LMBR1: variants seen among roughly 807,000 people sequenced by gnomAD.
LMBR1 encodes the protein limb development membrane protein 1, also known as limb region 1 protein homolog.
In LMBR1, 52 loss-of-function variants were observed where a neutral mutation model predicts 73.9. The observed-to-expected ratio is 0.70, with a 90% CI of 0.56 to 0.89. The LOEUF (loss-of-function observed/expected upper bound fraction) is 0.89. Ranked by LOEUF, LMBR1 falls within the 40% of genes least tolerant of loss-of-function variation. The pLI is 0.00. For missense variants in LMBR1, 539 were observed against 579.8 expected, an observed-to-expected ratio of 0.93 and a Z score of 0.72; for synonymous variants, 215 against 209.4, an observed-to-expected ratio of 1.03 and a Z score of -0.23.
At chr7:156,857,895 C>T (rs995137902) in intron 1 of LMBR1, among the ~76,000 whole-genome samples, 1 of 151,506 alleles carries the variant, frequency 6.6e-6, no homozygotes, top group Admixed American at 6.6e-5. Context: ...ATATTTTGAA[C>T]TAAATGAAAA....
intron 1 of LMBR1, among the ~76,000 whole-genome samples, chr7:156,889,121 A>G (rs1001622465): frequency 4.6e-5 from 7 of 152,318 alleles, no homozygotes; most frequent in African/African-American, 1.7e-4. Flanking sequence ...TGAAGGCATT[A>G]TGCTAAGTGA....
chr7:156,835,299 C>G lies in LMBR1; in HGVS notation c.140-1507G>C, dbSNP rs528326139. ...GCCATTCTGTTAGTCCACCTCCATT[C>G]TTAATTCCAAGATTCCCAAAAGAAC... On this transcript the variant is annotated intron_variant, in intron 2 of 16. Transcript: ENST00000353442. 2.6e-5 allele frequency among the ~76,000 whole-genome samples: 4 copies of G among 152,272 alleles called. No homozygotes were observed. In the South Asian group the frequency reaches 8.3e-4, roughly 32 times the overall value.
chr7:156,863,035 T>C (rs770162665), intron 1 of LMBR1, among the ~76,000 whole-genome samples: 1 of 152,146 alleles, frequency 6.6e-6, no homozygotes, highest in Non-Finnish European at 1.5e-5. Flanking sequence ...ACAAATCCCA[T>C]TGGCTCAATT....
At chr7:156,704,254 C>T (rs1389079714) in intron 15 of LMBR1, among the ~76,000 whole-genome samples, 1 of 152,192 alleles carries the variant, frequency 6.6e-6, no homozygotes, top group Non-Finnish European at 1.5e-5. Flanking sequence ...ATCCATCAGG[C>T]ATTCCAGTCC....
chr7:156,845,729 A>T (rs1366142935), intron 1 of LMBR1, among the ~76,000 whole-genome samples: 1 of 151,996 alleles, frequency 6.6e-6, no homozygotes, highest in African/African-American at 2.4e-5. Flanking sequence ...AGTTTACTGC[A>T]GCCTTGAACT....
rs1316505781 is a variant in LMBR1, at chr7:156,670,679, CAGA to C, written n.867-1395_867-1393del. Among the ~76,000 whole-genome samples the C allele has an allele frequency of 7.9e-5, 12 of 152,128 alleles. No homozygotes were observed. Among genetic ancestry groups the C allele is most frequent in the African/African-American group, 2.9e-4 (12 of 41,422 alleles). On this transcript the variant is annotated intron_variant and non_coding_transcript_variant, in intron 4 of 4. Transcript: ENST00000430825. The surrounding 1 kb of genome is among the most constrained non-coding windows in gnomAD (Gnocchi z 4.3). ...CCTGCAGATTTCCCAGTGGGAGCGG[CAGA>C]AGGTGAGATGGCATCTCCGTGTGTC...
rs56125376 is a variant in LMBR1 at position 156,763,444 on chromosome 7, CAA to C, written c.550+223_550+224del. Among the ~76,000 whole-genome samples the C allele has an allele frequency of 2.3e-3, 349 of 149,354 alleles. 2 individuals carry two copies. Among genetic ancestry groups the C allele is most frequent in the African/African-American group, 5.8e-3 (237 of 40,954 alleles). ...AAGAACAGAAACCAATTAACAAAAACAAAAAAAAAAAATCTGAAAAGCTGCTT... is the reference window on the plus strand; with the variant it reads ...AAGAACAGAAACCAATTAACAAAAACAAAAAAAAAATCTGAAAAGCTGCTT... On this transcript the variant is annotated intron_variant, in intron 6 of 16. Coordinates refer to ENST00000353442, the MANE Select transcript of LMBR1 (RefSeq NM_022458.4).
rs576012030 is a variant in LMBR1, at chr7:156,681,264, G to C, written c.*2814C>G. 7.1e-6 allele frequency: 3 copies of C among 424,982 alleles called. No homozygotes were observed. The highest frequency in any genetic ancestry group is 3.4e-5 in the South Asian group (2 of 59,372). The allele number at this position is 424,982 out of a possible 1,614,324, so 26.3% of individuals were successfully genotyped here. A position where few individuals can be genotyped will look rare whatever the true frequency, so the allele number is the denominator to read the frequency against. ...GATGGGGAGGCCGCACTGCCGCTGA[G>C]AGCAGGTACACGTGCGCCTTTAACA... On this transcript the variant is annotated 3_prime_UTR_variant, in exon 17 of 17. Transcript: ENST00000353442.
chr7:156,889,067 AAAG>A lies in LMBR1; in HGVS notation c.66+3858_66+3860del, dbSNP rs1343330424. 5.3e-5 allele frequency among the ~76,000 whole-genome samples: 8 copies of A among 151,996 alleles called. No homozygotes were observed. The East Asian group carries it at 1.3e-3, about 26-fold the overall frequency. On this transcript the variant is annotated intron_variant, in intron 1 of 16. Coordinates refer to ENST00000353442, the MANE Select transcript of LMBR1 (RefSeq NM_022458.4). ...AGACTCTGTCTCAAAAAAAAAAAAG[AAAG>A]AAAAAGAAATTTTGACACATGCTAC...
At chr7:156,878,355 T>C (rs1011010644) in intron 1 of LMBR1, among the ~76,000 whole-genome samples, 22 of 152,224 alleles carry the variant, frequency 1.4e-4, no homozygotes, top group African/African-American at 5.3e-4. Context: ...TTCAGCAGTT[T>C]CAGGATACAA....
At chr7:156,838,423 T>C (rs1205868471) in intron 1 of LMBR1, among the ~76,000 whole-genome samples, 1 of 152,146 alleles carries the variant, frequency 6.6e-6, no homozygotes, top group Non-Finnish European at 1.5e-5. Flanking sequence ...TTTCCAAAAG[T>C]TCAACATTTT....
At chr7:156,848,025 A>G (rs1795736592) in intron 1 of LMBR1, among the ~76,000 whole-genome samples, 1 of 152,112 alleles carries the variant, frequency 6.6e-6, no homozygotes, top group Admixed American at 6.5e-5. Flanking sequence ...ATATCCTTCA[A>G]TAGGTAAATA....
chr7:156,701,547 A>G (rs752408638), intron 15 of LMBR1, among the ~76,000 whole-genome samples: 4 of 152,230 alleles, frequency 2.6e-5, no homozygotes, highest in Non-Finnish European at 5.9e-5. Context: ...CAAAATCCAG[A>G]ACACTGACAC....
chr7:156,771,137 T>C (rs1042738953), intron 5 of LMBR1, among the ~76,000 whole-genome samples: 2 of 151,520 alleles, frequency 1.3e-5, no homozygotes, highest in African/African-American at 2.4e-5. Context: ...AGTATAACTG[T>C]CAATAAATGG....
intron 1 of LMBR1, among the ~76,000 whole-genome samples, chr7:156,838,454 G>A (rs1273139261): frequency 6.6e-6 from 1 of 152,154 alleles, no homozygotes; most frequent in African/African-American, 2.4e-5. Flanking sequence ...ATCTAAGTGA[G>A]ATCATGAAGT....
At chr7:156,675,885 G>A (rs1803834267), downstream of LMBR1, 1 of 1,606,110 alleles carries the variant, frequency 6.2e-7, no homozygotes, top group African/African-American at 1.3e-5. Flanking sequence ...TGGCAGCCTG[G>A]CAACCAGCAG....
At chr7:156,749,548 A>G (rs972284161) in intron 9 of LMBR1, among the ~76,000 whole-genome samples, 11 of 152,344 alleles carry the variant, frequency 7.2e-5, no homozygotes, top group East Asian at 1.9e-4. Context: ...AGCTTGTATA[A>G]GACATGTCTT....
At chr7:156,755,258 AG>A (rs1266745017) in intron 9 of LMBR1, among the ~76,000 whole-genome samples, 1 of 152,226 alleles carries the variant, frequency 6.6e-6, no homozygotes, top group Non-Finnish European at 1.5e-5. Context: ...TTTAAATTTG[AG>A]GAGCCAAAGG....
At chr7:156,721,106 G>GT (rs1814468901) in intron 15 of LMBR1, among the ~76,000 whole-genome samples, 1 of 152,052 alleles carries the variant, frequency 6.6e-6, no homozygotes, top group South Asian at 2.1e-4. Context: ...ATTTGAAAGA[G>GT]TAAGTGTTTT....
Sources: gnomAD v4.1 joint callset for allele counts (sites outside exome capture counted in the v4.1 genomes callset) on GRCh38, gnomAD v4.1.1 for gene constraint, Gnocchi (gnomAD v3.1) non-coding constraint, MANE v1.5 for transcripts, NCBI Gene and HGNC (gene_info 2026-07-23, HGNC 2026-07-21) for gene names.